The following PTPRO variants were observed in gnomAD, a reference collection of about 807,000 sequenced individuals.
The protein encoded by PTPRO is protein tyrosine phosphatase receptor type O, also known as receptor-type tyrosine-protein phosphatase O.
In PTPRO, 62 loss-of-function variants were observed where a neutral mutation model predicts 145.2. The observed-to-expected ratio is 0.43, with a 90% CI of 0.35 to 0.53. PTPRO has a LOEUF of 0.53. Ranked by LOEUF, PTPRO falls within the 20% of genes least tolerant of loss-of-function variation. PTPRO has a pLI of 0.01. For missense variants in PTPRO, 1,345 were observed against 1,482.7 expected, an observed-to-expected ratio of 0.91 and a Z score of 1.53; for synonymous variants, 565 against 514.7, an observed-to-expected ratio of 1.10 and a Z score of -1.32.
intron 10 of PTPRO, among the ~76,000 whole-genome samples, chr12:15,524,418 G>T (rs2072540): frequency 6.6e-6 from 1 of 151,918 alleles, no homozygotes; most frequent in South Asian, 2.1e-4. Flanking sequence ...GACTTAGTTT[G>T]CAGGACTCTA....
chr12:15,546,812 CT>C, intron 13 of PTPRO, 104 bp downstream of exon 13: 1 of 1,488,924 alleles, frequency 6.7e-7, no homozygotes, highest in Admixed American at 1.8e-5. Flanking sequence ...AAAATGAAAA[CT>C]GTTTATTTGC....
rs1942898479 is a variant in PTPRO, at chr12:15,528,829, C to A, written c.2164+2567C>A. Among the ~76,000 whole-genome samples the A allele has an allele frequency of 2.0e-5, 3 of 151,904 alleles. No homozygotes were observed. In the South Asian group the frequency reaches 6.2e-4, roughly 32 times the overall value. On this transcript the variant is annotated intron_variant, in intron 12 of 26. Coordinates refer to ENST00000281171, the MANE Select transcript of PTPRO (RefSeq NM_030667.3). ...AAACAAGCTGCAATTCACCTGGCAA[C>A]AAACTGTACAGGCCATGAGGAAGAA... is the stretch of plus-strand genomic sequence containing the variant.
chr12:15,588,653 A>C (rs575164529), intron 24 of PTPRO, among the ~76,000 whole-genome samples: 13 of 152,240 alleles, frequency 8.5e-5, no homozygotes, highest in African/African-American at 2.9e-4. Flanking sequence ...GGGGTGGTGA[A>C]CTGAACTTAG....
At chr12:15,544,041 A>G (rs927037046) in intron 12 of PTPRO, among the ~76,000 whole-genome samples, 4 of 152,228 alleles carry the variant, frequency 2.6e-5, no homozygotes, top group African/African-American at 9.6e-5. Flanking sequence ...CAATGCACAG[A>G]TAGGATTTAA....
intron 1 of PTPRO, among the ~76,000 whole-genome samples, chr12:15,460,912 CCCT>C (rs1941286319): frequency 6.6e-6 from 1 of 152,098 alleles, no homozygotes; most frequent in African/African-American, 2.4e-5. Flanking sequence ...CTCCTTGTTC[CCCT>C]TGTAAACCAA....
chr12:15,513,967 T>C (rs979952131), intron 7 of PTPRO, among the ~76,000 whole-genome samples: 1 of 152,170 alleles, frequency 6.6e-6, no homozygotes, highest in African/African-American at 2.4e-5. Flanking sequence ...AAAGAATGTG[T>C]GTTCTTTCCA....
chr12:15,377,569 C>T (rs1938725642), intron 1 of PTPRO, among the ~76,000 whole-genome samples: 1 of 151,974 alleles, frequency 6.6e-6, no homozygotes, highest in Admixed American at 6.6e-5. Context: ...CAGTATCTCA[C>T]TATCAAAAAT....
intron 22 of PTPRO, among the ~76,000 whole-genome samples, chr12:15,581,169 C>CA (rs1376115728): frequency 6.6e-6 from 1 of 152,124 alleles, no homozygotes; most frequent in African/African-American, 2.4e-5. Context: ...AAACTAGTCT[C>CA]AGAGTCCCAA....
chr12:15,551,255 A>T (rs1400296784), intron 14 of PTPRO, among the ~76,000 whole-genome samples: 1 of 152,190 alleles, frequency 6.6e-6, no homozygotes. Context: ...ATGAATTTAA[A>T]CTGTGGCACA....
At chr12:15,514,451 CAAAAAAAAAAAA>C (rs71438353) in intron 7 of PTPRO, among the ~76,000 whole-genome samples, 3 of 68,936 alleles carry the variant, frequency 4.4e-5, no homozygotes, top group East Asian at 4.3e-4. Context: ...GACTCTGTCT[CAAAAAAAAAAAA>C]AAAAAAAAAA....
Position 15,322,767 on chromosome 12 carries a change from T to A in PTPRO, c.41T>A (p.Leu14His). 1.9e-6 allele frequency: 3 copies of A among 1,612,796 alleles called. No homozygotes were observed. Among genetic ancestry groups the A allele is most frequent in the Non-Finnish European group, 2.5e-6 (3 of 1,179,532 alleles). Residue 14 changes from leucine to histidine, a missense_variant, in exon 1 of 27, where the codon CTC becomes CAC. Transcript: ENST00000281171. This position sits in a 1 kb window ranked among gnomAD's most constrained non-coding sequence, Gnocchi z 6.3. ...ACGGGGATACACGGCGCCCGCCGCC[T>A]CCTGCCTCTGCTCTGGCTCTTTGTG... ...LPTGIHGARRLLPLLWLFVLF... is the reference protein window; with the variant it reads ...LPTGIHGARRHLPLLWLFVLF...
At chr12:15,427,805 G>T (rs1427311727) in intron 1 of PTPRO, among the ~76,000 whole-genome samples, 1 of 136,528 alleles carries the variant, frequency 7.3e-6, no homozygotes, top group African/African-American at 2.5e-5. Context: ...ATAGCAATTT[G>T]TTCTTGCTTT....
chr12:15,498,725 A>C (rs1591655265), intron 3 of PTPRO, among the ~76,000 whole-genome samples: 1 of 152,370 alleles, frequency 6.6e-6, no homozygotes, highest in East Asian at 1.9e-4. Flanking sequence ...TATAGATCAC[A>C]TGCAAATATA....
At chr12:15,350,924 A>G (rs1037485229) in intron 1 of PTPRO, among the ~76,000 whole-genome samples, 2 of 152,162 alleles carry the variant, frequency 1.3e-5, no homozygotes, top group Non-Finnish European at 2.9e-5. Context: ...TCAGAACTGG[A>G]TCTCTTAGCA....
intron 23 of PTPRO, among the ~76,000 whole-genome samples, chr12:15,583,472 T>C (rs1465601119): frequency 1.4e-5 from 2 of 147,750 alleles, no homozygotes; most frequent in Admixed American, 6.8e-5. Flanking sequence ...AGAGCAAGAC[T>C]CTATCTCCAC....
At chr12:15,446,738 A>G (rs1940912401) in intron 1 of PTPRO, among the ~76,000 whole-genome samples, 1 of 151,248 alleles carries the variant, frequency 6.6e-6, no homozygotes, top group Non-Finnish European at 1.5e-5. Context: ...AGGGTAAATA[A>G]ATATAAGTAG....
intron 16 of PTPRO, among the ~76,000 whole-genome samples, chr12:15,557,746 A>G (rs1337722988): frequency 1.3e-5 from 2 of 151,908 alleles, no homozygotes; most frequent in Non-Finnish European, 2.9e-5. Flanking sequence ...TGTATTTACA[A>G]TACTAAACAA....
At chr12:15,594,800 T>A (rs529266636) in intron 25 of PTPRO, 137 bp from the exon 26 acceptor site, 2 of 672,662 alleles carry the variant, frequency 3.0e-6, no homozygotes, top group East Asian at 5.6e-5. Context: ...GATTTTCTAG[T>A]TATAAAACTG....
intron 1 of PTPRO, among the ~76,000 whole-genome samples, chr12:15,463,474 GA>G (rs1007796458): frequency 1.3e-5 from 2 of 151,986 alleles, no homozygotes; most frequent in African/African-American, 4.8e-5. Context: ...AGTCATAGAA[GA>G]AAAAATGAAG....
Sources: allele counts gnomAD v4.1 joint callset (sites outside exome capture counted in the v4.1 genomes callset), GRCh38; gene constraint gnomAD v4.1.1; non-coding constraint Gnocchi (gnomAD v3.1); transcripts MANE v1.5; gene names NCBI Gene and HGNC (gene_info 2026-07-23, HGNC 2026-07-21).